The following FBXW4 variants were observed in gnomAD, a reference collection of about 807,000 sequenced individuals.
FBXW4 encodes F-box/WD repeat-containing protein 4.
Under a neutral mutation model 61.8 loss-of-function variants are expected in FBXW4, and 40 were observed. The observed-to-expected ratio is 0.65, with a 90% CI of 0.50 to 0.84. The LOEUF (loss-of-function observed/expected upper bound fraction) is 0.84, where lower values mean the gene tolerates loss of function less well. Ranked by LOEUF, FBXW4 falls within the 40% of genes least tolerant of loss-of-function variation. FBXW4 has a pLI of 0.00. For synonymous variants in FBXW4, 311 were observed against 313.8 expected (o/e 0.99, Z 0.10); for missense variants, 672 against 753.8 (o/e 0.89, Z 1.27).
At chr10:101,693,256 G>A (rs1039541168) in intron 1 of FBXW4, among the ~76,000 whole-genome samples, 3 of 152,160 alleles carry the variant, frequency 2.0e-5, no homozygotes, top group Non-Finnish European at 2.9e-5. Flanking sequence ...ATGCCACCTT[G>A]AGACTTTATC....
At chr10:101,620,656 T>C (rs1301778602) in intron 6 of FBXW4, among the ~76,000 whole-genome samples, 1 of 152,188 alleles carries the variant, frequency 6.6e-6, no homozygotes, top group Non-Finnish European at 1.5e-5. Flanking sequence ...AATTTTTTTT[T>C]GATAAGAAAC....
At chr10:101,650,807 C>T (rs1268461736) in intron 5 of FBXW4, among the ~76,000 whole-genome samples, 1 of 152,216 alleles carries the variant, frequency 6.6e-6, no homozygotes, top group Non-Finnish European at 1.5e-5. Flanking sequence ...CAGCCCAACA[C>T]AGGCCCGCAT....
intron 5 of FBXW4, among the ~76,000 whole-genome samples, chr10:101,636,370 A>AAAAAAC (rs1028135274): frequency 6.6e-6 from 1 of 151,716 alleles, no homozygotes; most frequent in African/African-American, 2.4e-5. Context: ...AAAAAGAACC[A>AAAAAAC]AAAAACAAAA....
rs572762750 is a variant in FBXW4, at chr10:101,673,676, G to A, written c.822-3C>T. On this transcript the variant is annotated splice_polypyrimidine_tract_variant and splice_region_variant and intron_variant, in intron 2 of 8. Coordinates refer to ENST00000331272, the MANE Select transcript of FBXW4 (RefSeq NM_022039.4). Reference sequence around the variant, plus strand: ...CTAGCTGCATCCAGGGCATCTGACTGAAATGATGGAAAAGAAAATTTAAAA... The same window carrying A: ...CTAGCTGCATCCAGGGCATCTGACTAAAATGATGGAAAAGAAAATTTAAAA... 31 of 1,609,546 alleles carry A rather than the reference G, an allele frequency of 1.9e-5. No homozygotes were observed. The East Asian group carries it at 5.4e-4, about 28-fold the overall frequency.
intron 5 of FBXW4, among the ~76,000 whole-genome samples, chr10:101,645,972 T>C (rs2064092414): frequency 6.6e-6 from 1 of 152,146 alleles, no homozygotes; most frequent in Non-Finnish European, 1.5e-5. Context: ...CTGAGGATGA[T>C]GATGGTACCT....
intron 5 of FBXW4, among the ~76,000 whole-genome samples, chr10:101,632,229 C>G (rs1462699528): frequency 6.6e-6 from 1 of 152,102 alleles, no homozygotes; most frequent in African/African-American, 2.4e-5. Flanking sequence ...CACACACACA[C>G]GCAACCCTCT....
chr10:101,624,959 C>A, intron 5 of FBXW4, 149 bp from the exon 6 acceptor site: 2 of 819,772 alleles, frequency 2.4e-6, no homozygotes, highest in East Asian at 2.7e-5. Context: ...ATCAGAGGAG[C>A]TGTGGGAAGA....
Position 101,611,182 on chromosome 10 carries a change from C to T in FBXW4, c.*109G>A. 6.9e-7 allele frequency: 1 copy of T among 1,440,856 alleles called. No individual in the cohort carries two copies. Among genetic ancestry groups the T allele is most frequent in the East Asian group, 2.3e-5 (1 of 42,994 alleles). 89.3% of individuals were successfully genotyped at this position (1,440,856 alleles called of 1,614,324 possible). On this transcript the variant is annotated 3_prime_UTR_variant, in exon 9 of 9. Coordinates refer to ENST00000331272, the MANE Select transcript of FBXW4 (RefSeq NM_022039.4). This position sits in a 1 kb window ranked among gnomAD's most constrained non-coding sequence, Gnocchi z 4.9. ...GTGCCTGAGCACTGGGGTCACAGGC[C>T]CAGGAGCACAGTGGGGCAGTGAGGA...
chr10:101,636,243 T>C (rs2064000556), intron 5 of FBXW4, among the ~76,000 whole-genome samples: 1 of 151,584 alleles, frequency 6.6e-6, no homozygotes, highest in Non-Finnish European at 1.5e-5. Context: ...ACCTAACTAC[T>C]CAGGAGGCTG....
intron 1 of FBXW4, among the ~76,000 whole-genome samples, chr10:101,679,846 T>A (rs1355376263): frequency 6.6e-6 from 1 of 152,202 alleles, no homozygotes; most frequent in Non-Finnish European, 1.5e-5. Context: ...CTGAATAGCG[T>A]ACACTGTACC....
At chr10:101,663,205 C>T (rs2064263077) in intron 5 of FBXW4, among the ~76,000 whole-genome samples, 1 of 152,168 alleles carries the variant, frequency 6.6e-6, no homozygotes, top group Non-Finnish European at 1.5e-5. Flanking sequence ...CCCCCTTCCT[C>T]CCCAACCAGG....
intron 6 of FBXW4, among the ~76,000 whole-genome samples, chr10:101,620,230 C>T (rs949512624): frequency 4.3e-4 from 66 of 152,256 alleles, no homozygotes; most frequent in African/African-American, 1.5e-3. Flanking sequence ...GCCTGTCAGT[C>T]AGGCTTTGGT....
intron 6 of FBXW4, among the ~76,000 whole-genome samples, chr10:101,621,581 G>A (rs948462901): frequency 3.9e-5 from 6 of 152,146 alleles, no homozygotes; most frequent in African/African-American, 1.4e-4. Context: ...GGGTGGGAAG[G>A]AAGAGCAGGA....
In FBXW4 at chr10:101,624,818, A is replaced by G; in HGVS notation, c.1236-8T>C. 1 of 1,614,266 alleles carries G rather than the reference A, an allele frequency of 6.2e-7. No individual in the cohort carries two copies. Among genetic ancestry groups the G allele is most frequent in the Non-Finnish European group, 8.5e-7 (1 of 1,180,036 alleles). On this transcript the variant is annotated splice_region_variant and splice_polypyrimidine_tract_variant and intron_variant, in intron 5 of 8. Coordinates refer to ENST00000331272, the MANE Select transcript of FBXW4 (RefSeq NM_022039.4). ...GTCCCTGTCACAAAAGAGCTGCCAAACAAAAGGAGAACAAAGTCAGATCTG... is the reference window on the plus strand; with the variant it reads ...GTCCCTGTCACAAAAGAGCTGCCAAGCAAAAGGAGAACAAAGTCAGATCTG...
intron 5 of FBXW4, among the ~76,000 whole-genome samples, chr10:101,664,131 A>G (rs999337688): frequency 8.5e-5 from 13 of 152,210 alleles, no homozygotes; most frequent in African/African-American, 3.1e-4. Context: ...GAAAGAAGAC[A>G]TTTGAACACA....
intron 6 of FBXW4, among the ~76,000 whole-genome samples, chr10:101,622,096 T>C (rs1409757732): frequency 3.3e-5 from 5 of 151,514 alleles, no homozygotes; most frequent in African/African-American, 1.2e-4. Flanking sequence ...GATTCATTGA[T>C]TAAAACATCT....
intron 5 of FBXW4, chr10:101,625,861 G>A (rs898324656): frequency 4.6e-5 from 7 of 152,284 alleles, no homozygotes; most frequent in African/African-American, 1.7e-4. Context: ...GCAATGTGGG[G>A]GCAACAGCCC....
chr10:101,621,636 C>CAT (rs966277501), intron 6 of FBXW4, among the ~76,000 whole-genome samples: 1 of 152,168 alleles, frequency 6.6e-6, no homozygotes. Context: ...GTGACAGGCA[C>CAT]TGTATGGGAA....
chr10:101,633,457 G>A (rs1437964310), intron 5 of FBXW4, among the ~76,000 whole-genome samples: 1 of 152,108 alleles, frequency 6.6e-6, no homozygotes, highest in Non-Finnish European at 1.5e-5. Flanking sequence ...GGGGGTAGTG[G>A]GTTAGGGGAG....
Sources: gnomAD v4.1 joint callset for allele counts (sites outside exome capture counted in the v4.1 genomes callset) on GRCh38, gnomAD v4.1.1 for gene constraint, Gnocchi (gnomAD v3.1) non-coding constraint, MANE v1.5 for transcripts, NCBI Gene and HGNC (gene_info 2026-07-23, HGNC 2026-07-21) for gene names.